HRH1: variants seen among roughly 807,000 people sequenced by gnomAD.
HRH1 encodes histamine receptor H1, also known as histamine H1 receptor.
Under a neutral mutation model 10.3 loss-of-function variants are expected in HRH1, and 6 were observed. That is an observed-to-expected ratio of 0.58 (90% CI 0.32 to 1.15). HRH1 has a LOEUF of 1.15. Ranked by LOEUF, HRH1 falls within the 50% of genes most tolerant of loss-of-function variation. The pLI, the probability that HRH1 is intolerant of heterozygous loss-of-function variation, is 0.05. For missense variants in HRH1, 514 were observed against 615.3 expected (o/e 0.84, Z 1.74); for synonymous variants, 242 against 236.7 (o/e 1.02, Z -0.21).
intron 1 of HRH1, among the ~76,000 whole-genome samples, chr3:11,225,412 C>T (rs959589790): frequency 8.5e-5 from 13 of 152,174 alleles, no homozygotes; most frequent in African/African-American, 2.2e-4. Flanking sequence ...CCTAGTCAGG[C>T]GACTGCCAGG....
chr3:11,148,782 G>C (rs1222722422), intron 1 of HRH1, among the ~76,000 whole-genome samples: 2 of 143,054 alleles, frequency 1.4e-5, no homozygotes, highest in African/African-American at 2.5e-5. Context: ...GATATTGAGA[G>C]AATAGTTATT....
intron 1 of HRH1, among the ~76,000 whole-genome samples, chr3:11,142,895 C>G (rs1936320071): frequency 6.6e-6 from 1 of 151,070 alleles, no homozygotes; most frequent in Non-Finnish European, 1.5e-5. Flanking sequence ...GCCTGGGCAA[C>G]AGAGCAAGAC....
intron 1 of HRH1, among the ~76,000 whole-genome samples, chr3:11,185,716 G>A (rs756037401): frequency 2.0e-5 from 3 of 152,146 alleles, no homozygotes; most frequent in Non-Finnish European, 4.4e-5. Flanking sequence ...TCCCTCCTGG[G>A]GGAGCTCCGA....
chr3:11,199,054 G>A (rs1490119698), intron 1 of HRH1, among the ~76,000 whole-genome samples: 1 of 151,820 alleles, frequency 6.6e-6, no homozygotes, highest in Non-Finnish European at 1.5e-5. Context: ...CTCCCAAGTT[G>A]CTAGAATTAC....
chr3:11,237,444 A>G (rs1939211319), intron 1 of HRH1, among the ~76,000 whole-genome samples: 2 of 152,144 alleles, frequency 1.3e-5, no homozygotes, highest in African/African-American at 4.8e-5. Context: ...CTTGCTCTTC[A>G]GTCACTCTGG....
Position 11,260,508 on chromosome 3 carries a change from C to T in HRH1, c.*7C>T. The stretch of plus-strand genomic sequence containing the variant: ...TCTGCATATTCGCTCCTAAGGGAGG[C>T]TCTGAGGGGATGCAACAAAATGATC... On this transcript the variant is annotated 3_prime_UTR_variant, in exon 2 of 2. Transcript: ENST00000431010. 3 of 1,565,982 alleles carry T rather than the reference C, an allele frequency of 1.9e-6. No homozygotes were observed. Among genetic ancestry groups the T allele is most frequent in the East Asian group, 2.2e-5 (1 of 44,448 alleles).
chr3:11,173,158 T>C (rs992943236), intron 1 of HRH1, among the ~76,000 whole-genome samples: 3 of 152,200 alleles, frequency 2.0e-5, no homozygotes, highest in African/African-American at 7.2e-5. Flanking sequence ...GTGGGGACTT[T>C]GGGTCAGAGA....
intron 1 of HRH1, among the ~76,000 whole-genome samples, chr3:11,198,077 C>A (rs1226351888): frequency 2.6e-5 from 4 of 152,168 alleles, no homozygotes; most frequent in African/African-American, 9.7e-5. Context: ...TACCCTCAGT[C>A]ATCTACCTCC....
chr3:11,234,361 T>A (rs1325254826), intron 1 of HRH1: 8 of 1,597,638 alleles, frequency 5.0e-6, no homozygotes, highest in Non-Finnish European at 6.9e-6. Context: ...CCTCATCCTC[T>A]TGGGGATAGA....
intron 1 of HRH1, among the ~76,000 whole-genome samples, chr3:11,243,826 G>T (rs369162512): frequency 6.6e-6 from 1 of 152,176 alleles, no homozygotes; most frequent in African/African-American, 2.4e-5. Flanking sequence ...TCTTCCCTCT[G>T]CTGTCCAGCT....
chr3:11,259,085 G>A lies in HRH1; in HGVS notation c.48G>A (p.Glu16=). 6.2e-7 allele frequency: 1 copy of A among 1,612,240 alleles called. No individual in the cohort carries two copies. Among genetic ancestry groups the A allele is most frequent in the East Asian group, 2.2e-5 (1 of 44,874 alleles). The change falls in exon 2 of 2, where the codon GAG becomes GAA. Residue 16 remains glutamate, a synonymous_variant. Transcript: ENST00000431010. This position sits in a 1 kb window ranked among gnomAD's most constrained non-coding sequence, Gnocchi z 4.6. ...GCCTCTTAGAAGACAAGATGTGTGA[G>A]GGCAACAAGACCACTATGGCCAGCC... ...SSCLLEDKMC[E]GNKTTMASPQ...
intron 1 of HRH1, among the ~76,000 whole-genome samples, chr3:11,256,650 T>G (rs1397178423): frequency 6.6e-6 from 1 of 151,722 alleles, no homozygotes; most frequent in Non-Finnish European, 1.5e-5. Flanking sequence ...AATACAAAAA[T>G]TAGCTGGGCG....
chr3:11,252,624 T>C (rs346074), intron 1 of HRH1: 83,064 of 151,996 alleles, frequency 0.55, 23,990 homozygotes, highest in East Asian at 0.66. Flanking sequence ...CATTTAAATC[T>C]ATTACTGTAC....
chr3:11,151,507 G>A (rs1936622476), upstream of HRH1, among the ~76,000 whole-genome samples: 1 of 83,276 alleles, frequency 1.2e-5, no homozygotes, highest in African/African-American at 1.0e-4. Flanking sequence ...TTGGGGGGGC[G>A]GTGGTGGTGG....
intron 1 of HRH1, among the ~76,000 whole-genome samples, chr3:11,229,347 G>T (rs1938982740): frequency 6.6e-6 from 1 of 152,176 alleles, no homozygotes; most frequent in African/African-American, 2.4e-5. Context: ...GTTCATTTTT[G>T]CTGGAGTGCT....
intron 1 of HRH1, among the ~76,000 whole-genome samples, chr3:11,195,787 G>C (rs932739785): frequency 6.6e-5 from 10 of 152,292 alleles, no homozygotes; most frequent in African/African-American, 2.4e-4. Context: ...CTGGAACCAG[G>C]GGCTGAAATG....
chr3:11,153,516 C>T (rs1249740994), upstream of HRH1, among the ~76,000 whole-genome samples: 7 of 150,874 alleles, frequency 4.6e-5, no homozygotes, highest in Non-Finnish European at 8.9e-5. Flanking sequence ...CCCCAACCCA[C>T]CATGTCCCAC....
chr3:11,140,383 C>G (rs1936270186), intron 1 of HRH1, among the ~76,000 whole-genome samples: 1 of 152,100 alleles, frequency 6.6e-6, no homozygotes, highest in African/African-American at 2.4e-5. Context: ...ATACCAAGAC[C>G]TCTCATTCTG....
intron 1 of HRH1, among the ~76,000 whole-genome samples, chr3:11,169,678 C>T (rs1274733785): frequency 3.3e-5 from 5 of 152,172 alleles, no homozygotes; most frequent in African/African-American, 4.8e-5. Flanking sequence ...TCTCTGCACT[C>T]TTCAAGAGGC....
Sources: allele counts gnomAD v4.1 joint callset (sites outside exome capture counted in the v4.1 genomes callset), GRCh38; gene constraint gnomAD v4.1.1; non-coding constraint Gnocchi (gnomAD v3.1); transcripts MANE v1.5; gene names NCBI Gene and HGNC (gene_info 2026-07-23, HGNC 2026-07-21).